Variants in SLC7A5 observed in about 807,000 individuals in gnomAD.
The protein encoded by SLC7A5 is large neutral amino acids transporter small subunit 1.
In SLC7A5, 23 loss-of-function variants were observed where a neutral mutation model predicts 50.2. The ratio of observed to expected loss-of-function variants is 0.46; its 90% confidence interval spans 0.33 to 0.65. The LOEUF is 0.65. Ranked by LOEUF, SLC7A5 falls within the 30% of genes least tolerant of loss-of-function variation. The probability of loss-of-function intolerance (pLI) is 0.02; values close to 1 mark genes in which losing one functional copy is unlikely to be tolerated. For synonymous variants in SLC7A5, 393 were observed against 330.6 expected, an observed-to-expected ratio of 1.19 and a Z score of -2.05; for missense variants, 578 against 684.4, an observed-to-expected ratio of 0.84 and a Z score of 1.73.
chr16:87,856,480 A>T (rs982912123), intron 1 of SLC7A5, among the ~76,000 whole-genome samples: 1 of 152,132 alleles, frequency 6.6e-6, no homozygotes, highest in Non-Finnish European at 1.5e-5. Context: ...TGACCACAGC[A>T]ACTACAGCTG....
chr16:87,868,046 G>C (rs1395217758), intron 1 of SLC7A5, among the ~76,000 whole-genome samples: 1 of 151,576 alleles, frequency 6.6e-6, no homozygotes, highest in Non-Finnish European at 1.5e-5. Flanking sequence ...GAACCTGGGA[G>C]GCGGGCTTGC....
intron 7 of SLC7A5, 60 bp from the exon 8 acceptor site, chr16:87,836,707 G>A (rs560994724): frequency 9.5e-6 from 15 of 1,585,184 alleles, no homozygotes; most frequent in East Asian, 8.9e-5. Context: ...GTGGACGGCC[G>A]TGGTGGCCAC....
At chr16:87,846,809 C>T (rs2055159835) in intron 2 of SLC7A5, among the ~76,000 whole-genome samples, 1 of 152,250 alleles carries the variant, frequency 6.6e-6, no homozygotes, top group South Asian at 2.1e-4. Context: ...GAGAAAGCGG[C>T]AGTCAGGGCG....
At position 87,852,520 on chromosome 16, in the gene SLC7A5, C is replaced by G. The variant is rs1201003546; in HGVS notation, c.539-671G>C. 6.6e-6 allele frequency among the ~76,000 whole-genome samples: 1 copy of G among 152,138 alleles called. No homozygotes were observed. The highest frequency in any genetic ancestry group is 1.5e-5 in the Non-Finnish European group (1 of 68,026). On this transcript the variant is annotated intron_variant, in intron 1 of 9. Transcript: ENST00000261622. This position sits in a 1 kb window ranked among gnomAD's most constrained non-coding sequence, Gnocchi z 4.5. ...CTTCAGAAGCCTGAGTGACCCCACA[C>G]AGATGGCCAGAACGCCTGCCCCAGG...
chr16:87,846,181 A>T (rs1710676738), intron 2 of SLC7A5, among the ~76,000 whole-genome samples: 1 of 152,156 alleles, frequency 6.6e-6, no homozygotes, highest in African/African-American at 2.4e-5. Context: ...GCCTGGCACC[A>T]ATCTGGGAGC....
At chr16:87,865,020 A>G (rs2055443125) in intron 1 of SLC7A5, among the ~76,000 whole-genome samples, 1 of 152,170 alleles carries the variant, frequency 6.6e-6, no homozygotes, top group Admixed American at 6.5e-5. Context: ...GTCTATTTCT[A>G]TAACTATCTC....
Position 87,830,326 on chromosome 16 carries a change from C to T in SLC7A5, c.*2644G>A, listed in dbSNP as rs1340539349. 6.6e-6 allele frequency: 1 copy of T among 152,220 alleles called. No homozygotes were observed. The highest frequency in any genetic ancestry group is 2.4e-5 in the African/African-American group (1 of 41,450). The allele number at this position is 152,220 out of a possible 1,614,324, so 9.4% of individuals were successfully genotyped here. On this transcript the variant is annotated 3_prime_UTR_variant, in exon 10 of 10. Coordinates refer to ENST00000261622, the MANE Select transcript of SLC7A5 (RefSeq NM_003486.7). ...CGACAGCATCTTTAAATTAGTAAGA[C>T]GTTAGCACAAAACAAAAAAGCACAA...
Position 87,841,724 on chromosome 16 carries a change from G to A in SLC7A5, c.665-569C>T, listed in dbSNP as rs1382031644. 1.3e-5 allele frequency among the ~76,000 whole-genome samples: 2 copies of A among 152,226 alleles called. No homozygotes were observed. The highest frequency in any genetic ancestry group is 2.1e-4 in the South Asian group (1 of 4,832). On this transcript the variant is annotated intron_variant, in intron 2 of 9. Transcript: ENST00000261622. This position sits in a 1 kb window ranked among gnomAD's most constrained non-coding sequence, Gnocchi z 4.8. Reference sequence around the variant, plus strand: ...CCAGCTGCAGCCGGGGCAGGGGCAGGAGCAGGGCTGCCAGGGCCGAGAACG... The same window carrying A: ...CCAGCTGCAGCCGGGGCAGGGGCAGAAGCAGGGCTGCCAGGGCCGAGAACG...
At chr16:87,850,160 C>A (rs1039035121) in intron 2 of SLC7A5, among the ~76,000 whole-genome samples, 5 of 152,190 alleles carry the variant, frequency 3.3e-5, no homozygotes, top group East Asian at 1.9e-4. Context: ...CAGGGGGCGC[C>A]AGGAGCAAGG....
In SLC7A5 at chr16:87,844,125, A is replaced by G. The variant is rs546822983; in HGVS notation, c.665-2970T>C. On this transcript the variant is annotated intron_variant, in intron 2 of 9. Coordinates refer to ENST00000261622, the MANE Select transcript of SLC7A5 (RefSeq NM_003486.7). ...GTGGACAGACGGTGACATCTGCCAG[A>G]GCCCACAGAGACGCGAGAACAGACT... Among the ~76,000 whole-genome samples, 11 of 150,852 alleles carry G rather than the reference A, an allele frequency of 7.3e-5. No individual in the cohort carries two copies. The South Asian group carries it at 2.3e-3, about 31-fold the overall frequency.
intron 1 of SLC7A5, among the ~76,000 whole-genome samples, chr16:87,867,174 C>A (rs2055472970): frequency 6.6e-6 from 1 of 152,240 alleles, no homozygotes; most frequent in Admixed American, 6.5e-5. Context: ...CCCGTCTCGG[C>A]CTCCCAAAGT....
rs2054942783 is a variant in SLC7A5, at chr16:87,832,134, C to G, written c.*836G>C. On this transcript the variant is annotated 3_prime_UTR_variant, in exon 10 of 10. Coordinates refer to ENST00000261622, the MANE Select transcript of SLC7A5 (RefSeq NM_003486.7). The surrounding 1 kb of genome is among the most constrained non-coding windows in gnomAD (Gnocchi z 4.6). ...GCCGCGGTGTGTCTGCCTTTCTTGT[C>G]TCTGTTTCTAGAAGACTGAAGGACA... is the stretch of plus-strand genomic sequence containing the variant. 6.6e-6 allele frequency: 1 copy of G among 152,286 alleles called. No homozygotes were observed. 9.4% of individuals were successfully genotyped at this position (152,286 alleles called of 1,614,324 possible).
chr16:87,839,720 C>T lies in SLC7A5; in HGVS notation c.921G>A (p.Ser307=), dbSNP rs376960599. Residue 307 remains serine, a synonymous_variant, in exon 5 of 10, where the codon TCG becomes TCA. Coordinates refer to ENST00000261622, the MANE Select transcript of SLC7A5 (RefSeq NM_003486.7). ...GGCTCACCACGGCCACGGCCTCGGA[C>T]GACAGCATCTGCTCGGTGGACAGGG... ...FTTLSTEQML[S]SEAVAVDFGN... 1.3e-5 allele frequency: 21 copies of T among 1,613,464 alleles called. No individual in the cohort carries two copies. Among genetic ancestry groups the T allele is most frequent in the African/African-American group, 2.7e-5 (2 of 74,904 alleles).
At position 87,833,154 on chromosome 16, in the gene SLC7A5, T is replaced by A. The variant is rs979007382; in HGVS notation, c.1469-129A>T. On this transcript the variant is annotated intron_variant, in intron 9 of 9. Coordinates refer to ENST00000261622, the MANE Select transcript of SLC7A5 (RefSeq NM_003486.7). This position sits in a 1 kb window ranked among gnomAD's most constrained non-coding sequence, Gnocchi z 6.0. ...CAGCGCCGCTGCCCAGCGCTGGGAT[T>A]TTAAGGAACCTTCCCTTGTGTACTT... The A allele has an allele frequency of 2.5e-6, 2 of 795,284 alleles. No individual in the cohort carries two copies. The highest frequency in any genetic ancestry group is 3.6e-5 in the Admixed American group (2 of 55,276). 49.3% of individuals were successfully genotyped at this position (795,284 alleles called of 1,614,324 possible).
intron 7 of SLC7A5, among the ~76,000 whole-genome samples, chr16:87,837,215 C>G (rs765287635): frequency 5.9e-5 from 9 of 152,222 alleles, no homozygotes; most frequent in Admixed American, 5.9e-4. Context: ...ATCTCACTGG[C>G]TTTGGGGGAA....
chr16:87,834,660 C>T, intron 8 of SLC7A5, 69 bp from the exon 9 acceptor site: 1 of 1,513,888 alleles, frequency 6.6e-7, no homozygotes, highest in Non-Finnish European at 9.0e-7. Flanking sequence ...CCCCGAGGTT[C>T]CTCAGCCCTC....
At position 87,851,545 on chromosome 16, in the gene SLC7A5, G is replaced by A. The variant is rs149345272; in HGVS notation, c.664+179C>T. Among the ~76,000 whole-genome samples the A allele has an allele frequency of 2.8e-3, 430 of 152,360 alleles. 1 individual carries two copies. Among genetic ancestry groups the A allele is most frequent in the African/African-American group, 9.8e-3 (408 of 41,590 alleles). On this transcript the variant is annotated intron_variant, in intron 2 of 9. Transcript: ENST00000261622. ...CGCTGTCCCACGGGAGCACTCCTGT[G>A]TCCCCCTCTGGGTCGGATTTCACTT...
intron 1 of SLC7A5, among the ~76,000 whole-genome samples, chr16:87,855,215 G>A (rs563121977): frequency 2.0e-5 from 3 of 152,196 alleles, no homozygotes; most frequent in South Asian, 2.1e-4. Context: ...CTGCTGCTCA[G>A]AGCTGGGGCG....
intron 1 of SLC7A5, among the ~76,000 whole-genome samples, chr16:87,856,349 C>T (rs936862612): frequency 1.3e-5 from 2 of 152,242 alleles, no homozygotes; most frequent in Non-Finnish European, 2.9e-5. Flanking sequence ...CCCAGAACTG[C>T]CTGCTGGAGA....
Sources: allele counts gnomAD v4.1 joint callset (sites outside exome capture counted in the v4.1 genomes callset), GRCh38; gene constraint gnomAD v4.1.1; non-coding constraint Gnocchi (gnomAD v3.1); transcripts MANE v1.5; gene names NCBI Gene and HGNC (gene_info 2026-07-23, HGNC 2026-07-21).